HDLBP: variants seen among roughly 807,000 people sequenced by gnomAD.
HDLBP encodes vigilin.
HDLBP carries 30 observed loss-of-function variants against 137.3 expected under a neutral mutation model. The ratio of observed to expected loss-of-function variants is 0.22; its 90% CI spans 0.16 to 0.30. The LOEUF is 0.30. HDLBP is among the 10% of genes least tolerant of loss of function. The pLI is 1.00. For missense variants in HDLBP, 1,119 were observed against 1,667.3 expected, an observed-to-expected ratio of 0.67 and a Z score of 5.73; for synonymous variants, 606 against 596.0, an observed-to-expected ratio of 1.02 and a Z score of -0.24.
chr2:241,272,373 C>A lies in HDLBP; in HGVS notation c.-102-3832G>T. ...CAACGTCAGCGACCTGGGCTCAGGT[C>A]GGCCGCCCCTCCGCGCCGTGCGGCC... On this transcript the variant is annotated intron_variant, in intron 1 of 27. Coordinates refer to ENST00000310931, the MANE Select transcript of HDLBP (RefSeq NM_005336.6). This position sits in a 1 kb window ranked among gnomAD's most constrained non-coding sequence, Gnocchi z 5.6. The A allele has an allele frequency of 2.0e-6, 2 of 984,160 alleles. No homozygotes were observed. The highest frequency in any genetic ancestry group is 2.4e-6 in the Non-Finnish European group (2 of 829,504). 61.0% of individuals were successfully genotyped at this position (984,160 alleles called of 1,614,324 possible). A position where few individuals can be genotyped will look rare whatever the true frequency, so the allele number is the denominator to read the frequency against.
At chr2:241,297,436 G>T (rs1575042410) in intron 1 of HDLBP, among the ~76,000 whole-genome samples, 1 of 152,154 alleles carries the variant, frequency 6.6e-6, no homozygotes, top group East Asian at 1.9e-4. Context: ...GGAAATGGGG[G>T]TACTGGAATA....
chr2:241,300,950 C>CTATTATTATTATTATTAT (rs66491533), intron 1 of HDLBP, among the ~76,000 whole-genome samples: 2 of 143,910 alleles, frequency 1.4e-5, no homozygotes, highest in Non-Finnish European at 3.0e-5. Context: ...TGCACACATA[C>CTATTATTATTATTATTAT]TATTATTATT....
intron 2 of HDLBP, chr2:241,267,907 T>C (rs1268173993): frequency 2.0e-6 from 2 of 985,320 alleles, no homozygotes; most frequent in African/African-American, 3.5e-5. Flanking sequence ...CAGCGGGATA[T>C]GGGCTCCGAA....
rs766786902 is a variant in HDLBP at position 241,253,471 on chromosome 2, T to C, written c.1215A>G (p.Glu405=). The change falls in exon 10 of 28, where the codon GAA becomes GAG. Residue 405 remains glutamate, a synonymous_variant. Transcript: ENST00000310931. ...PKVHIEFTEG[E]DKITLEGPTE... ...TAGGGCCCTCCAGGGTGATCTTGTCTTCGCCCTCTGTGAACTCGATGTGAA... is the reference window on the plus strand; with the variant it reads ...TAGGGCCCTCCAGGGTGATCTTGTCCTCGCCCTCTGTGAACTCGATGTGAA... The C allele has an allele frequency of 6.2e-7, 1 of 1,613,468 alleles. No homozygotes were observed. Among genetic ancestry groups the C allele is most frequent in the Admixed American group, 1.7e-5 (1 of 60,026 alleles).
intron 1 of HDLBP, among the ~76,000 whole-genome samples, chr2:241,310,052 C>A (rs1223032947): frequency 6.6e-6 from 1 of 152,058 alleles, no homozygotes; most frequent in Non-Finnish European, 1.5e-5. Flanking sequence ...CTGACAAAAG[C>A]CAAAAACCCA....
In HDLBP at chr2:241,239,327, G is replaced by T. The variant is rs1454394314; in HGVS notation, c.2610+275C>A. Among the ~76,000 whole-genome samples the T allele has an allele frequency of 6.6e-6, 1 of 150,418 alleles. No individual in the cohort carries two copies. ...AGAATGCATTTTCTTTCTTTCTCTT[G>T]CTTTCTTTCCTCTCTCTCTCTCCCC... On this transcript the variant is annotated intron_variant, in intron 19 of 27. Coordinates refer to ENST00000310931, the MANE Select transcript of HDLBP (RefSeq NM_005336.6). This position sits in a 1 kb window ranked among gnomAD's most constrained non-coding sequence, Gnocchi z 4.6.
intron 14 of HDLBP, 130 bp from the exon 15 acceptor site, chr2:241,247,272 G>C: frequency 1.5e-6 from 1 of 662,936 alleles, no homozygotes; most frequent in Non-Finnish European, 2.8e-6. Flanking sequence ...TCAGAGGTTT[G>C]TCATGAGGGT....
At chr2:241,242,259 T>G (rs1380594730) in intron 17 of HDLBP, among the ~76,000 whole-genome samples, 1 of 152,218 alleles carries the variant, frequency 6.6e-6, no homozygotes, top group African/African-American at 2.4e-5. Context: ...CCAACTTTTA[T>G]ATATTGCATA....
chr2:241,252,842 T>C (rs922275771), intron 11 of HDLBP, 115 bp downstream of exon 11: 1 of 650,786 alleles, frequency 1.5e-6, no homozygotes, highest in Non-Finnish European at 2.7e-6. Context: ...TAACTCCCAT[T>C]ACAGGCAGCA....
intron 1 of HDLBP, among the ~76,000 whole-genome samples, chr2:241,309,669 CCT>C (rs1236690353): frequency 2.0e-5 from 3 of 152,212 alleles, no homozygotes; most frequent in Non-Finnish European, 4.4e-5. Context: ...ACAGAGCCAA[CCT>C]GCACAGTCCC....
At chr2:241,297,392 C>T (rs1043583358) in intron 1 of HDLBP, among the ~76,000 whole-genome samples, 2 of 152,080 alleles carry the variant, frequency 1.3e-5, no homozygotes, top group African/African-American at 4.8e-5. Context: ...ACTTGGAAAG[C>T]GAGAAACTAG....
At chr2:241,293,397 G>T (rs1380352223) in intron 1 of HDLBP, among the ~76,000 whole-genome samples, 1 of 152,172 alleles carries the variant, frequency 6.6e-6, no homozygotes, top group Non-Finnish European at 1.5e-5. Flanking sequence ...GAGAGGCTGA[G>T]GCAGGAGGAT....
intron 1 of HDLBP, among the ~76,000 whole-genome samples, chr2:241,314,920 C>G (rs2075969167): frequency 6.6e-6 from 1 of 152,118 alleles, no homozygotes; most frequent in Non-Finnish European, 1.5e-5. Flanking sequence ...ACGTGAGTCT[C>G]GAACAGTTGC....
chr2:241,256,936 A>C, intron 5 of HDLBP, 130 bp from the exon 6 acceptor site: 1 of 753,056 alleles, frequency 1.3e-6, no homozygotes, highest in Admixed American at 2.4e-5. Flanking sequence ...TCATCCATTA[A>C]AACAGCATGA....
intron 24 of HDLBP, among the ~76,000 whole-genome samples, chr2:241,232,386 A>T (rs1197910365): frequency 2.0e-5 from 3 of 150,700 alleles, no homozygotes; most frequent in Non-Finnish European, 2.9e-5. Context: ...AGCGATTCTC[A>T]CGTCTCAGTC....
At chr2:241,256,910 G>T in intron 5 of HDLBP, 104 bp from the exon 6 acceptor site, 2 of 914,978 alleles carry the variant, frequency 2.2e-6, no homozygotes, top group Non-Finnish European at 3.4e-6. Context: ...GCTTATTCCT[G>T]CCCAGCAGCA....
intron 11 of HDLBP, among the ~76,000 whole-genome samples, chr2:241,251,304 G>A (rs899378237): frequency 2.6e-5 from 4 of 152,166 alleles, no homozygotes; most frequent in African/African-American, 9.7e-5. Context: ...AACCGTAAAA[G>A]CAAGTTTATG....
At chr2:241,247,268 G>A in intron 14 of HDLBP, 126 bp from the exon 15 acceptor site, 1 of 674,008 alleles carries the variant, frequency 1.5e-6, no homozygotes, top group South Asian at 1.7e-5. Flanking sequence ...ACCTTCAGAG[G>A]TTTGTCATGA....
At chr2:241,285,130 C>G (rs879581354) in intron 1 of HDLBP, among the ~76,000 whole-genome samples, 7 of 152,258 alleles carry the variant, frequency 4.6e-5, no homozygotes, top group Non-Finnish European at 1.0e-4. Flanking sequence ...ATCCACCCAC[C>G]TTGGCCTCCC....
Sources: gnomAD v4.1 joint callset for allele counts (sites outside exome capture counted in the v4.1 genomes callset) on GRCh38, gnomAD v4.1.1 for gene constraint, Gnocchi (gnomAD v3.1) non-coding constraint, MANE v1.5 for transcripts, NCBI Gene and HGNC (gene_info 2026-07-23, HGNC 2026-07-21) for gene names.